CPS1: variants seen among roughly 807,000 people sequenced by gnomAD.
CPS1 encodes carbamoyl-phosphate synthase [ammonia], mitochondrial.
In CPS1, 109 loss-of-function variants were observed where a neutral mutation model predicts 174.6. That is an observed-to-expected ratio of 0.62 (90% CI 0.53 to 0.73). CPS1 has a LOEUF of 0.73. CPS1 is among the 30% of genes least tolerant of loss of function. CPS1 has a pLI of 0.00. For synonymous variants in CPS1, 637 were observed against 632.0 expected, an observed-to-expected ratio of 1.01 and a Z score of -0.12; for missense variants, 1,689 against 1,821.9, an observed-to-expected ratio of 0.93 and a Z score of 1.33.
rs367819083 is a variant in CPS1 at position 210,538,358 on chromosome 2, A to T, written c.4-18361A>T. ...TTGAAATATCCTACTTTTGTATATT[A>T]CAGATTGCATGAAATAGCCCAGAAT... On this transcript the variant is annotated intron_variant, in intron 1 of 38. Transcript: ENST00000430249. 4.6e-5 allele frequency among the ~76,000 whole-genome samples: 7 copies of T among 152,248 alleles called. No individual in the cohort carries two copies. In the East Asian group the frequency reaches 7.7e-4, roughly 17 times the overall value.
rs1013098567 is a variant in CPS1 at position 210,678,078 on chromosome 2, A to T, written c.*93A>T. ...ACAACTTTCTCAGAGATGAATATTG[A>T]TAACTAAACTTCATTTCAGTTTACT... On this transcript the variant is annotated 3_prime_UTR_variant, in exon 38 of 38. Transcript: ENST00000233072. 1 of 943,104 alleles carries T rather than the reference A, an allele frequency of 1.1e-6. No homozygotes were observed. The highest frequency in any genetic ancestry group is 1.8e-6 in the Non-Finnish European group (1 of 567,790). The allele number at this position is 943,104 out of a possible 1,614,324, so 58.4% of individuals were successfully genotyped here. A position where few individuals can be genotyped will look rare whatever the true frequency, so the allele number is the denominator to read the frequency against.
At chr2:210,484,487 G>A (rs533212451) in intron 1 of CPS1, among the ~76,000 whole-genome samples, 1 of 152,112 alleles carries the variant, frequency 6.6e-6, no homozygotes, top group African/African-American at 2.4e-5. Flanking sequence ...GATTTCTTTT[G>A]AATAAACATA....
chr2:210,661,999 G>A (rs1186683899), intron 32 of CPS1, among the ~76,000 whole-genome samples: 1 of 144,602 alleles, frequency 6.9e-6, no homozygotes, highest in Non-Finnish European at 1.5e-5. Context: ...TCTGCCTTCC[G>A]GGTTCAAGCA....
chr2:210,512,793 G>GAT (rs1199607310), intron 1 of CPS1, among the ~76,000 whole-genome samples: 3 of 118,820 alleles, frequency 2.5e-5, no homozygotes, highest in Admixed American at 9.0e-5. Flanking sequence ...TATGGAGAGA[G>GAT]AGATATATAT....
intron 1 of CPS1, among the ~76,000 whole-genome samples, chr2:210,538,467 C>T (rs1158880011): frequency 6.6e-6 from 1 of 151,842 alleles, no homozygotes; most frequent in African/African-American, 2.4e-5. Flanking sequence ...AAATGATATA[C>T]TTATACATTT....
chr2:210,676,585 G>C (rs1055660279), intron 36 of CPS1, among the ~76,000 whole-genome samples: 1 of 152,160 alleles, frequency 6.6e-6, no homozygotes, highest in Admixed American at 6.5e-5. Flanking sequence ...GGCCTCCAAG[G>C]ATGTAATAGC....
rs747710251 is a variant in CPS1, at chr2:210,647,859, C to T, written c.3142-4C>T. On this transcript the variant is annotated splice_region_variant and splice_polypyrimidine_tract_variant and intron_variant, in intron 25 of 37. Transcript: ENST00000233072. Reference sequence around the variant, plus strand: ...ATGGCTGATATTGTGAGTGTATTTTCCAGGCATGTGGTGGCTGCATCATAT... The same window carrying T: ...ATGGCTGATATTGTGAGTGTATTTTTCAGGCATGTGGTGGCTGCATCATAT... 6.2e-7 allele frequency: 1 copy of T among 1,613,880 alleles called. No individual in the cohort carries two copies. The highest frequency in any genetic ancestry group is 8.5e-7 in the Non-Finnish European group (1 of 1,179,850).
chr2:210,588,665 G>A (rs1029183884), intron 7 of CPS1, among the ~76,000 whole-genome samples: 1 of 151,994 alleles, frequency 6.6e-6, no homozygotes, highest in African/African-American at 2.4e-5. Context: ...ATAAAGTTTT[G>A]TTAGGATTTT....
At position 210,637,757 on chromosome 2, in the gene CPS1, A is replaced by G. The variant is rs1383544135; in HGVS notation, c.2743A>G (p.Lys915Glu). ...GGCAAAGGAGATTGGGTTCTCAGAT[A>G]AGCAGATTTCAAAATGCCTTGGGCT... ...KRAKEIGFSD[K>E]QISKCLGLTE... is the part of the protein sequence containing the mutation. Residue 915 changes from lysine (K) to glutamate (E), a missense_variant, in exon 22 of 38, where the codon AAG (lysine) becomes GAG (glutamate). Physicochemically the swap from Lys to Glu is moderately conservative, Grantham distance 56. Coordinates refer to ENST00000233072, the MANE Select transcript of CPS1 (RefSeq NM_001875.5). The G allele has an allele frequency of 6.2e-6, 10 of 1,613,896 alleles. No homozygotes were observed. Among genetic ancestry groups the G allele is most frequent in the South Asian group, 1.1e-5 (1 of 91,086 alleles).
chr2:210,560,325 A>G (rs1195243204), intron 1 of CPS1, among the ~76,000 whole-genome samples: 2 of 152,096 alleles, frequency 1.3e-5, no homozygotes, highest in African/African-American at 4.8e-5. Context: ...ATAGTCTCTG[A>G]TTTCAAGAAA....
chr2:210,629,740 A>G (rs1403992398), intron 21 of CPS1, among the ~76,000 whole-genome samples: 1 of 151,632 alleles, frequency 6.6e-6, no homozygotes, highest in African/African-American at 2.4e-5. Context: ...GCAGAGAGAG[A>G]GTCATTGCAT....
rs187520651 is a variant in CPS1 at position 210,615,787 on chromosome 2, A to G, written c.2569-636A>G. Among the ~76,000 whole-genome samples the G allele has an allele frequency of 3.9e-5, 6 of 152,166 alleles. No homozygotes were observed. The East Asian group carries it at 1.2e-3, about 29-fold the overall frequency. On this transcript the variant is annotated intron_variant, in intron 20 of 37. Coordinates refer to ENST00000233072, the MANE Select transcript of CPS1 (RefSeq NM_001875.5). Reference sequence around the variant, plus strand: ...GCCTATCAGAACAGAAGTTATTACTACATTGTTTTGGAATATATTAGGATT... The same window carrying G: ...GCCTATCAGAACAGAAGTTATTACTGCATTGTTTTGGAATATATTAGGATT...
intron 5 of CPS1, among the ~76,000 whole-genome samples, chr2:210,581,043 T>C (rs1197425891): frequency 2.0e-5 from 3 of 152,186 alleles, no homozygotes; most frequent in East Asian, 3.9e-4. Flanking sequence ...TGAGAGTTTA[T>C]GCCATCATTC....
intron 1 of CPS1, among the ~76,000 whole-genome samples, chr2:210,526,191 A>G (rs577234470): frequency 2.0e-5 from 3 of 152,020 alleles, no homozygotes; most frequent in Admixed American, 6.6e-5. Context: ...ATGAGAACCC[A>G]TGGACACAGG....
At chr2:210,672,690 A>C (rs1339348837) in intron 34 of CPS1, 1 of 151,994 alleles carries the variant, frequency 6.6e-6, no homozygotes, top group African/African-American at 2.4e-5. Context: ...CTTGCATCTA[A>C]GCTCATTTCT....
intron 31 of CPS1, among the ~76,000 whole-genome samples, 191 bp from the exon 32 acceptor site, chr2:210,660,294 G>T (rs1359495960): frequency 6.6e-6 from 1 of 152,142 alleles, no homozygotes; most frequent in Non-Finnish European, 1.5e-5. Context: ...ATGAAAGAAA[G>T]TTAGAGTTCA....
rs1425920194 is a variant in CPS1, at chr2:210,668,251, G to A, written c.4068G>A (p.Lys1356=). The change falls in exon 34 of 38, where the codon AAG becomes AAA. Residue 1356 remains lysine (K), a synonymous_variant. Coordinates refer to ENST00000233072, the MANE Select transcript of CPS1 (RefSeq NM_001875.5). ...AGGCAATGCTTTCCACAGGATTTAA[G>A]ATACCCCAGAAAGGCATCCTGATAG... is the stretch of plus-strand genomic sequence containing the variant. ...FLKAMLSTGF[K]IPQKGILIGI... The A allele has an allele frequency of 6.2e-7, 1 of 1,613,812 alleles. No individual in the cohort carries two copies. Among genetic ancestry groups the A allele is most frequent in the African/African-American group, 1.3e-5 (1 of 74,894 alleles).
chr2:210,494,393 G>C (rs1049065610), intron 1 of CPS1, among the ~76,000 whole-genome samples: 8 of 152,142 alleles, frequency 5.3e-5, no homozygotes, highest in Non-Finnish European at 1.0e-4. Context: ...TGTGTATAGA[G>C]ACCTAATAAG....
At chr2:210,641,189 A>G (rs1043072013) in intron 24 of CPS1, among the ~76,000 whole-genome samples, 1 of 152,116 alleles carries the variant, frequency 6.6e-6, no homozygotes, top group Non-Finnish European at 1.5e-5. Context: ...TGGTATGATC[A>G]TGGCTCACTG....
Sources: allele counts gnomAD v4.1 joint callset (sites outside exome capture counted in the v4.1 genomes callset), GRCh38; gene constraint gnomAD v4.1.1; transcripts MANE v1.5; gene names NCBI Gene and HGNC (gene_info 2026-07-23, HGNC 2026-07-21).